Variants in SMYD4 observed in about 807,000 individuals in gnomAD.
SMYD4 encodes the protein SET and MYND domain containing 4.
A neutral mutation model predicts 72.8 loss-of-function variants in SMYD4; 68 were observed. The ratio of observed to expected loss-of-function variants is 0.93; its 90% CI spans 0.77 to 1.14. The LOEUF is 1.14. SMYD4 is among the 50% of genes most tolerant of loss of function. The pLI, the probability that SMYD4 is intolerant of heterozygous loss-of-function variation, is 0.00. For missense variants in SMYD4, 984 were observed against 1,003.7 expected (o/e 0.98, Z 0.27); for synonymous variants, 407 against 388.6 (o/e 1.05, Z -0.56).
At chr17:1,799,756 T>C in intron 5 of SMYD4, 101 bp downstream of exon 5, 1 of 1,159,832 alleles carries the variant, frequency 8.6e-7, no homozygotes, top group Non-Finnish European at 1.2e-6. Context: ...ATTAGCTCAA[T>C]GATTTGTTTG....
chr17:1,823,073 T>A (rs1486059185), intron 2 of SMYD4, among the ~76,000 whole-genome samples: 1 of 151,908 alleles, frequency 6.6e-6, no homozygotes, highest in Non-Finnish European at 1.5e-5. Context: ...ACATTTTTTA[T>A]AGAACTTGAG....
intron 2 of SMYD4, among the ~76,000 whole-genome samples, chr17:1,824,889 CG>C (rs1461135950): frequency 6.6e-6 from 1 of 151,972 alleles, no homozygotes; most frequent in East Asian, 1.9e-4. Flanking sequence ...TCTCCCAAAG[CG>C]CTGCGATTAC....
chr17:1,804,712 C>T lies in SMYD4; in HGVS notation c.283G>A (p.Val95Met), dbSNP rs1169473219. 2 of 1,613,092 alleles carry T rather than the reference C, an allele frequency of 1.2e-6. No homozygotes were observed. Residue 95 changes from valine (V) to methionine (M), a missense_variant, in exon 4 of 11, where the codon GTG becomes ATG. Val to Met is a conservative substitution (Grantham distance 21). Transcript: ENST00000305513. ...TGAAVLYSKGVSHSRPNTEDM... is the reference protein window; with the variant it reads ...TGAAVLYSKGMSHSRPNTEDM... Reference sequence around the variant, plus strand: ...TCAGTGTTAGGCCTTGAATGTGACACTCCCTGCAAAACAATGAACTGGTTA... The same window carrying T: ...TCAGTGTTAGGCCTTGAATGTGACATTCCCTGCAAAACAATGAACTGGTTA...
intron 7 of SMYD4, among the ~76,000 whole-genome samples, chr17:1,786,210 C>A (rs1425938690): frequency 1.3e-5 from 2 of 152,194 alleles, no homozygotes; most frequent in African/African-American, 4.8e-5. Flanking sequence ...GTGCTCTTAT[C>A]CTCCTTGGCA....
chr17:1,796,302 T>TTTG (rs1909405100), intron 5 of SMYD4, among the ~76,000 whole-genome samples: 1 of 146,154 alleles, frequency 6.8e-6, no homozygotes, highest in Admixed American at 6.8e-5. Flanking sequence ...CCTGGCTGTT[T>TTTG]TTTTTTTTTT....
At chr17:1,789,439 G>A (rs998242954) in intron 5 of SMYD4, among the ~76,000 whole-genome samples, 5 of 151,454 alleles carry the variant, frequency 3.3e-5, no homozygotes, top group African/African-American at 1.2e-4. Flanking sequence ...AAATGTAATG[G>A]ATAAAGAAAA....
intron 2 of SMYD4, among the ~76,000 whole-genome samples, chr17:1,817,495 C>T (rs549661401): frequency 6.7e-6 from 1 of 150,248 alleles, no homozygotes; most frequent in Non-Finnish European, 1.5e-5. Flanking sequence ...GCATGCGCCA[C>T]CATGCCTGGC....
intron 10 of SMYD4, 58 bp from the exon 11 acceptor site, chr17:1,781,497 G>A: frequency 1.3e-6 from 2 of 1,575,928 alleles, no homozygotes; most frequent in Non-Finnish European, 1.7e-6. Context: ...AATGTTAATT[G>A]AGGGCCTACT....
intron 5 of SMYD4, among the ~76,000 whole-genome samples, chr17:1,793,313 T>A (rs947306389): frequency 5.3e-5 from 8 of 151,554 alleles, no homozygotes; most frequent in African/African-American, 1.9e-4. Flanking sequence ...GTTTATGAGG[T>A]TTTTTTGGGG....
chr17:1,795,853 T>A (rs1175866082), intron 5 of SMYD4, among the ~76,000 whole-genome samples: 1 of 151,740 alleles, frequency 6.6e-6, no homozygotes, highest in Non-Finnish European at 1.5e-5. Flanking sequence ...ATAAGTGTTT[T>A]TAATGTTAAA....
chr17:1,812,545 CTTTTTTTTTTTT>C (rs71150818), intron 2 of SMYD4, among the ~76,000 whole-genome samples: 118 of 63,720 alleles, frequency 1.9e-3, no homozygotes, highest in Non-Finnish European at 2.7e-3. Flanking sequence ...AGCAGAATTT[CTTTTTTTTTTTT>C]TTTTTTTTTT....
chr17:1,805,118 G>T (rs1446601649), intron 3 of SMYD4, among the ~76,000 whole-genome samples: 2 of 151,892 alleles, frequency 1.3e-5, no homozygotes, highest in Non-Finnish European at 2.9e-5. Flanking sequence ...GAAAATGAAC[G>T]CAAAAAAGGG....
Position 1,800,347 on chromosome 17 carries a change from G to A in SMYD4, c.1047C>T (p.His349=). The A allele has an allele frequency of 2.5e-6, 4 of 1,614,202 alleles. No homozygotes were observed. In the African/African-American group the frequency reaches 5.3e-5, roughly 22 times the overall value. The change falls in exon 5 of 11, where the codon CAC becomes CAT. Residue 349 remains histidine (H), a synonymous_variant. Transcript: ENST00000305513. ...CCAAAAGAGTCAACCTCAGGGCAAT[G>A]TGGCAAAAGACACCCAGTGTGAGAA... is the stretch of plus-strand genomic sequence containing the variant. ...GLLLTLGVFC[H]IALRLTLLVG...
rs866237067 is a variant in SMYD4, at chr17:1,810,567, G to A, written c.279+1404C>T. Among the ~76,000 whole-genome samples the A allele has an allele frequency of 4.6e-5, 7 of 152,200 alleles. No homozygotes were observed. The South Asian group carries it at 1.4e-3, about 31-fold the overall frequency. ...GACTGGCTGGGACTGATATGGGAGG[G>A]GGGCAGGGAACTGCTGTGTAGAGAA... On this transcript the variant is annotated intron_variant, in intron 3 of 10. Coordinates refer to ENST00000305513, the MANE Select transcript of SMYD4 (RefSeq NM_052928.3).
intron 2 of SMYD4, among the ~76,000 whole-genome samples, chr17:1,813,918 A>T (rs889577482): frequency 2.0e-5 from 3 of 152,214 alleles, no homozygotes; most frequent in Non-Finnish European, 4.4e-5. Flanking sequence ...TTTGACTATA[A>T]TGCCATAAAG....
chr17:1,795,071 T>A (rs1909319449), intron 5 of SMYD4, among the ~76,000 whole-genome samples: 1 of 152,210 alleles, frequency 6.6e-6, no homozygotes, highest in Non-Finnish European at 1.5e-5. Context: ...GTGAGACTGG[T>A]CTCTAGCTTT....
chr17:1,799,351 T>A (rs1909581024), intron 5 of SMYD4, among the ~76,000 whole-genome samples: 1 of 151,930 alleles, frequency 6.6e-6, no homozygotes, highest in African/African-American at 2.4e-5. Context: ...GATGAGAAAC[T>A]GAGGCAGAAC....
At chr17:1,827,050 C>T (rs929526882) in intron 2 of SMYD4, among the ~76,000 whole-genome samples, 11 of 151,820 alleles carry the variant, frequency 7.2e-5, no homozygotes, top group Admixed American at 1.3e-4. Context: ...CTATTTGGGA[C>T]GCTGAGGCAT....
chr17:1,784,290 A>AG (rs1445847497), intron 8 of SMYD4, 36 bp downstream of exon 8: 6 of 1,612,640 alleles, frequency 3.7e-6, no homozygotes, highest in Non-Finnish European at 3.4e-6. Context: ...ATAAAAGGGA[A>AG]GGGGCTGGAG....
Sources: gnomAD v4.1 joint callset for allele counts (sites outside exome capture counted in the v4.1 genomes callset) on GRCh38, gnomAD v4.1.1 for gene constraint, MANE v1.5 for transcripts, NCBI Gene and HGNC (gene_info 2026-07-23, HGNC 2026-07-21) for gene names.